The following ZNF142 variants were observed in gnomAD, a reference collection of about 807,000 sequenced individuals.
ZNF142 encodes the protein zinc finger protein 142.
A neutral mutation model predicts 132.1 loss-of-function variants in ZNF142; 96 were observed. The ratio of observed to expected loss-of-function variants is 0.73; its 90% CI spans 0.62 to 0.86. The LOEUF is 0.86. ZNF142 is among the 40% of genes least tolerant of loss of function. The pLI is 0.00. For synonymous variants in ZNF142, 842 were observed against 890.1 expected (o/e 0.95, Z 0.96); for missense variants, 2,163 against 2,336.2 (o/e 0.93, Z 1.53).
chr2:218,643,842 G>A lies in ZNF142; in HGVS notation c.3274C>T (p.Leu1092=). 1.2e-6 allele frequency: 2 copies of A among 1,614,002 alleles called. No homozygotes were observed. Among genetic ancestry groups the A allele is most frequent in the Non-Finnish European group, 1.7e-6 (2 of 1,179,970 alleles). The change falls in exon 9 of 11, where the codon CTA becomes TTA. Residue 1092 remains leucine, a synonymous_variant. Coordinates refer to ENST00000411696, the MANE Select transcript of ZNF142 (RefSeq NM_001379659.1). ...GGCAAGCCCTTGTTCTTTCTGAGTA[G>A]AACAGGGCACTTCTTCAGCAGGTGG... ...STHLLKKCPV[L]LRKNKGLPRP...
intron 8 of ZNF142, 144 bp from the exon 9 acceptor site, chr2:218,645,208 A>G (rs747621216): frequency 1.7e-4 from 183 of 1,047,150 alleles, no homozygotes; most frequent in Admixed American, 3.4e-4. Flanking sequence ...TCACTACCCT[A>G]TGAAACTGGT....
rs778142376 is a variant in ZNF142 at position 218,634,653 on chromosome 2, G to A, written c.*3686C>T. 1 of 1,608,830 alleles carries A rather than the reference G, an allele frequency of 6.2e-7. No individual in the cohort carries two copies. The highest frequency in any genetic ancestry group is 1.1e-5 in the South Asian group (1 of 90,602). ...CAGGTACAGTGGAAATAAACTGTTG[G>A]GAAGAAACTGAGATAACTGGGATAG... On this transcript the variant is annotated 3_prime_UTR_variant, in exon 11 of 11. Coordinates refer to ENST00000411696, the MANE Select transcript of ZNF142 (RefSeq NM_001379659.1). This position sits in a 1 kb window ranked among gnomAD's most constrained non-coding sequence, Gnocchi z 4.0.
intron 3 of ZNF142, among the ~76,000 whole-genome samples, chr2:218,657,141 A>G (rs1217770523): frequency 6.6e-6 from 1 of 151,230 alleles, no homozygotes; most frequent in South Asian, 2.1e-4. Flanking sequence ...ACCTTTGATA[A>G]TCTCACTATT....
chr2:218,649,412 G>T lies in ZNF142; in HGVS notation c.1096C>A (p.Pro366Thr), dbSNP rs999710056. Reference sequence around the variant, plus strand: ...TTCTTAAAGCAGCGCTTACACTCTGGACACATATGGGTCTTGAAGAGGGAC... The same window carrying T: ...TTCTTAAAGCAGCGCTTACACTCTGTACACATATGGGTCTTGAAGAGGGAC... ...TESLFKTHMC[P>T]ECKRCFKKRT... Residue 366 changes from proline to threonine, a missense_variant, in exon 7 of 11, where the codon CCA becomes ACA. By Grantham distance (38) the Pro-to-Thr change is conservative. Transcript: ENST00000411696. 1 of 1,612,518 alleles carries T rather than the reference G, an allele frequency of 6.2e-7. No individual in the cohort carries two copies.
chr2:218,635,714 T>G lies in ZNF142; in HGVS notation c.*2625A>C, dbSNP rs1240585719. The G allele has an allele frequency of 4.7e-6, 7 of 1,496,882 alleles. No individual in the cohort carries two copies. The highest frequency in any genetic ancestry group is 4.2e-5 in the African/African-American group (3 of 70,830). 92.7% of individuals were successfully genotyped at this position (1,496,882 alleles called of 1,614,324 possible). A position where few individuals can be genotyped will look rare whatever the true frequency, so the allele number is the denominator to read the frequency against. On this transcript the variant is annotated 3_prime_UTR_variant, in exon 11 of 11. Coordinates refer to ENST00000411696, the MANE Select transcript of ZNF142 (RefSeq NM_001379659.1). ...AGGATGTTTTACAAACCAAAAAGCTTCTTCTCCCCTGGGGTTGGGAGTAGG... is the reference window on the plus strand; with the variant it reads ...AGGATGTTTTACAAACCAAAAAGCTGCTTCTCCCCTGGGGTTGGGAGTAGG...
chr2:218,638,396 C>T lies in ZNF142; in HGVS notation c.5607G>A (p.Gln1869=). The T allele has an allele frequency of 1.3e-6, 2 of 1,534,968 alleles. No homozygotes were observed. The highest frequency in any genetic ancestry group is 1.8e-6 in the Non-Finnish European group (2 of 1,137,792). The change falls in exon 11 of 11, where the codon CAG becomes CAA. Residue 1869 remains glutamine (Q), a synonymous_variant. Transcript: ENST00000411696. The part of the protein sequence containing the change: ...TTPTVHLHDV[Q]LEDPSPPAPA... The stretch of plus-strand genomic sequence containing the variant: ...GAGCAGGAGGGCTGGGATCCTCCAG[C>T]TGCACATCATGCAGGTGCACTGTGG...
In ZNF142 at chr2:218,643,913, C is replaced by A. The variant is rs1471276716; in HGVS notation, c.3203G>T (p.Cys1068Phe). The A allele has an allele frequency of 6.2e-7, 1 of 1,614,044 alleles. No homozygotes were observed. The highest frequency in any genetic ancestry group is 8.5e-7 in the Non-Finnish European group (1 of 1,180,026). Residue 1068 changes from cysteine to phenylalanine, a missense_variant, in exon 9 of 11, where the codon TGC becomes TTC. Physicochemically the swap from Cys to Phe is radical, Grantham distance 205. Transcript: ENST00000411696. ...GCQGRREPLL[C>F]PECGASFKQQ... ...CTTGAAGCTAGCCCCACACTCGGGG[C>A]ACAGCAGGGGCTCTCGGCGGCCTTG...
chr2:218,653,094 C>A (rs1427169425), intron 4 of ZNF142, among the ~76,000 whole-genome samples: 2 of 151,948 alleles, frequency 1.3e-5, no homozygotes, highest in Non-Finnish European at 2.9e-5. Flanking sequence ...TCCTGGCTAA[C>A]ATGGTGAAAA....
At chr2:218,653,210 G>A (rs926936936) in intron 4 of ZNF142, among the ~76,000 whole-genome samples, 1 of 151,324 alleles carries the variant, frequency 6.6e-6, no homozygotes, top group African/African-American at 2.4e-5. Flanking sequence ...AACATGAGAG[G>A]TGGAGGTTGC....
chr2:218,653,037 T>C (rs2106262995), intron 4 of ZNF142, among the ~76,000 whole-genome samples: 1 of 152,104 alleles, frequency 6.6e-6, no homozygotes, highest in Middle Eastern at 3.4e-3. Flanking sequence ...TCTTGGCACT[T>C]TGGGAGGCTG....
At chr2:218,641,536 A>G (rs937725069) in intron 9 of ZNF142, among the ~76,000 whole-genome samples, 6 of 149,678 alleles carry the variant, frequency 4.0e-5, no homozygotes, top group African/African-American at 7.4e-5. Flanking sequence ...GAGCCACCGC[A>G]CCCAGCCTCA....
Position 218,650,367 on chromosome 2 carries a change from C to T in ZNF142, c.1040G>A (p.Arg347Gln), listed in dbSNP as rs748062529. 9 of 1,614,064 alleles carry T rather than the reference C, an allele frequency of 5.6e-6. No homozygotes were observed. Among genetic ancestry groups the T allele is most frequent in the East Asian group, 2.2e-5 (1 of 44,900 alleles). The change falls in exon 6 of 11, where the codon CGG becomes CAG. Residue 347 changes from arginine (R) to glutamine (Q), a missense_variant. Coordinates refer to ENST00000411696, the MANE Select transcript of ZNF142 (RefSeq NM_001379659.1). ...CCTCAGAATGTCATTACCTTCCAGC[C>T]GCTGAGCCCCTTGGCCTTTATCCAC... ...KAVDKGQGAQRLEGDVVSGTE... is the reference protein window; with the variant it reads ...KAVDKGQGAQQLEGDVVSGTE...
At chr2:218,645,103 A>C (rs747466839) in intron 8 of ZNF142, 39 bp from the exon 9 acceptor site, 1 of 1,590,418 alleles carries the variant, frequency 6.3e-7, no homozygotes, top group Non-Finnish European at 8.6e-7. Context: ...CACAATAATT[A>C]ATCACAACAA....
At position 218,644,958 on chromosome 2, in the gene ZNF142, C is replaced by T. The variant is rs375631601; in HGVS notation, c.2158G>A (p.Ala720Thr). 6 of 1,614,016 alleles carry T rather than the reference C, an allele frequency of 3.7e-6. No homozygotes were observed. In the African/African-American group the frequency reaches 4.0e-5, roughly 11 times the overall value. ...KSLMCEVCAF[A>T]CKRKYELQKH... ...TGCAGCTCATACTTCCGCTTGCAGG[C>T]GAAGGCACACACCTCACACATCAGA... Residue 720 changes from alanine (A) to threonine (T), a missense_variant, in exon 9 of 11, where the codon GCC (alanine) becomes ACC (threonine). Ala to Thr is a moderately conservative substitution (Grantham distance 58). This residue lies in a region of ZNF142 where 749 missense variants were observed against 830.3 expected (regional missense o/e 0.90). Coordinates refer to ENST00000411696, the MANE Select transcript of ZNF142 (RefSeq NM_001379659.1). The surrounding 1 kb of genome is among the most constrained non-coding windows in gnomAD (Gnocchi z 4.6).
intron 9 of ZNF142, 77 bp downstream of exon 9, chr2:218,641,951 A>T (rs1429741436): frequency 6.6e-7 from 1 of 1,518,544 alleles, no homozygotes; most frequent in Non-Finnish European, 8.9e-7. Context: ...TGGAGGAGTC[A>T]GCTATAGAGA....
chr2:218,657,812 T>G (rs1176962639), intron 3 of ZNF142, among the ~76,000 whole-genome samples: 1 of 152,244 alleles, frequency 6.6e-6, no homozygotes, highest in Admixed American at 6.5e-5. Context: ...GAGGTCACAC[T>G]GCACTGTTGT....
Position 218,649,403 on chromosome 2 carries a change from T to G in ZNF142, c.1105A>C (p.Lys369Gln), listed in dbSNP as rs1937767451. Residue 369 changes from lysine (K) to glutamine (Q), a missense_variant, in exon 7 of 11, where the codon AAG (lysine) becomes CAG (glutamine). By Grantham distance (53) the Lys-to-Gln change is moderately conservative. Transcript: ENST00000411696. ...LFKTHMCPECKRCFKKRTHLV... is the reference protein window; with the variant it reads ...LFKTHMCPECQRCFKKRTHLV... ...TGAGTCCGCTTCTTAAAGCAGCGCT[T>G]ACACTCTGGACACATATGGGTCTTG... The G allele has an allele frequency of 6.2e-7, 1 of 1,613,126 alleles. No homozygotes were observed. The highest frequency in any genetic ancestry group is 2.2e-5 in the East Asian group (1 of 44,856).
At position 218,638,636 on chromosome 2, in the gene ZNF142, C is replaced by T. The variant is rs769805203; in HGVS notation, c.5367G>A (p.Glu1789=). The T allele has an allele frequency of 6.8e-6, 11 of 1,614,132 alleles. No homozygotes were observed. The African/African-American group carries it at 1.1e-4, about 16-fold the overall frequency. Residue 1789 remains glutamate (E), a synonymous_variant, in exon 11 of 11, where the codon GAG becomes GAA. Coordinates refer to ENST00000411696, the MANE Select transcript of ZNF142 (RefSeq NM_001379659.1). The part of the protein sequence containing the change: ...LLRTHLRKHS[E]AKPYVCNVCH... ...ACACATTGCACACATAGGGTTTGGC[C>T]TCACTGTGCTTGCGAAGGTGGGTGC...
At position 218,636,131 on chromosome 2, in the gene ZNF142, C is replaced by T; in HGVS notation, c.*2208G>A. 7.1e-7 allele frequency: 1 copy of T among 1,402,886 alleles called. No individual in the cohort carries two copies. The highest frequency in any genetic ancestry group is 1.9e-5 in the Admixed American group (1 of 52,910). The allele number at this position is 1,402,886 out of a possible 1,614,324, so 86.9% of individuals were successfully genotyped here. A position where few individuals can be genotyped will look rare whatever the true frequency, so the allele number is the denominator to read the frequency against. On this transcript the variant is annotated 3_prime_UTR_variant, in exon 11 of 11. Transcript: ENST00000411696. The stretch of plus-strand genomic sequence containing the variant: ...TACTTGCTTACTCTGAGCCTTTTTC[C>T]TTACCTGTAAAATGCTGATTGCCAT...
Sources: gnomAD v4.1 joint callset for allele counts (sites outside exome capture counted in the v4.1 genomes callset) on GRCh38, gnomAD v4.1.1 for gene constraint, gnomAD v4.1.1 regional missense constraint, Gnocchi (gnomAD v3.1) non-coding constraint, MANE v1.5 for transcripts, NCBI Gene and HGNC (gene_info 2026-07-23, HGNC 2026-07-21) for gene names.